Variants in SLC1A1 observed in about 807,000 individuals in gnomAD.
The protein encoded by SLC1A1 is solute carrier family 1 member 1.
Under a neutral mutation model 53.3 loss-of-function variants are expected in SLC1A1, and 43 were observed. That is an observed-to-expected ratio of 0.81 (90% confidence interval 0.63 to 1.04). The LOEUF is 1.04. Among genes scored for constraint, SLC1A1 ranks in the 50% least tolerant of loss-of-function variants. The pLI is 0.00. For missense variants in SLC1A1, 748 were observed against 664.9 expected (o/e 1.12, Z -1.37); for synonymous variants, 307 against 243.2 (o/e 1.26, Z -2.44).
At chr9:4,520,395 TTTTA>T (rs1186345916) in intron 1 of SLC1A1, among the ~76,000 whole-genome samples, 1 of 152,206 alleles carries the variant, frequency 6.6e-6, no homozygotes, top group Non-Finnish European at 1.5e-5. Flanking sequence ...TCCCATTTAA[TTTTA>T]TTATTATCTA....
At chr9:4,527,783 A>G (rs1385668341) in intron 1 of SLC1A1, among the ~76,000 whole-genome samples, 1 of 151,968 alleles carries the variant, frequency 6.6e-6, no homozygotes, top group Non-Finnish European at 1.5e-5. Flanking sequence ...TATGGGGCTC[A>G]CTTCACTGAT....
At chr9:4,570,111 T>G (rs564847467) in intron 6 of SLC1A1, among the ~76,000 whole-genome samples, 2 of 152,298 alleles carry the variant, frequency 1.3e-5, no homozygotes, top group East Asian at 3.9e-4. Flanking sequence ...GGCTGCTGAT[T>G]CCTCAGCCCT....
chr9:4,493,219 T>C (rs1586681937), intron 1 of SLC1A1, among the ~76,000 whole-genome samples: 1 of 152,366 alleles, frequency 6.6e-6, no homozygotes, highest in Non-Finnish European at 1.5e-5. Flanking sequence ...CAAAGGGCAG[T>C]CCTGCTTCTG....
At chr9:4,492,080 G>A (rs989373794) in intron 1 of SLC1A1, among the ~76,000 whole-genome samples, 5 of 152,190 alleles carry the variant, frequency 3.3e-5, no homozygotes, top group Non-Finnish European at 7.3e-5. Context: ...CTATTTGTAG[G>A]AGGAAAGGAG....
intron 10 of SLC1A1, among the ~76,000 whole-genome samples, chr9:4,579,700 A>T (rs1312604336): frequency 6.6e-6 from 1 of 152,222 alleles, no homozygotes; most frequent in Non-Finnish European, 1.5e-5. Context: ...AAATAATAAA[A>T]GTTGGTTTTG....
chr9:4,498,040 T>C (rs1563992099), intron 1 of SLC1A1, among the ~76,000 whole-genome samples: 1 of 152,224 alleles, frequency 6.6e-6, no homozygotes. Context: ...GAACTAGTGG[T>C]ATGCGTGCTG....
In SLC1A1 at chr9:4,572,317, G is replaced by T; in HGVS notation, c.696G>T (p.Lys232Asn). 6.2e-7 allele frequency: 1 copy of T among 1,614,122 alleles called. No individual in the cohort carries two copies. Among genetic ancestry groups the T allele is most frequent in the South Asian group, 1.1e-5 (1 of 91,084 alleles). The change falls in exon 7 of 12, where the codon AAG becomes AAT. Residue 232 changes from lysine to asparagine, a missense_variant. Physicochemically the swap from Lys to Asn is moderately conservative, Grantham distance 94. Transcript: ENST00000262352. ...FGLVIGKMGE[K>N]GQILVDFFNA... Reference sequence around the variant, plus strand: ...TTGTCATTGGAAAAATGGGAGAAAAGGGACAAATTCTGGTGGATTTCTTCA... The same window carrying T: ...TTGTCATTGGAAAAATGGGAGAAAATGGACAAATTCTGGTGGATTTCTTCA...
intron 10 of SLC1A1, among the ~76,000 whole-genome samples, chr9:4,579,346 C>T (rs575818808): frequency 2.0e-5 from 3 of 152,260 alleles, no homozygotes; most frequent in Admixed American, 1.3e-4. Context: ...CCACTTCCCT[C>T]ACCCTGGGCT....
In SLC1A1 at chr9:4,586,983, A is replaced by G. The variant is rs1315214766; in HGVS notation, c.*1425A>G. The G allele has an allele frequency of 6.6e-6, 1 of 152,626 alleles. No individual in the cohort carries two copies. The highest frequency in any genetic ancestry group is 6.5e-5 in the Admixed American group (1 of 15,280). The allele number at this position is 152,626 out of a possible 1,614,324, so 9.5% of individuals were successfully genotyped here. A position where few individuals can be genotyped will look rare whatever the true frequency, so the allele number is the denominator to read the frequency against. ...TCTCATCTTGTAAATAATGCTTAAC[A>G]TAAACTTGTACTTACACTGAAATCC... is the stretch of plus-strand genomic sequence containing the variant. On this transcript the variant is annotated 3_prime_UTR_variant, in exon 12 of 12. Transcript: ENST00000262352.
rs1171370378 is a variant in SLC1A1, at chr9:4,519,643, T to G, written c.92-24924T>G. Among the ~76,000 whole-genome samples, 7 of 152,232 alleles carry G rather than the reference T, an allele frequency of 4.6e-5. 1 individual carries two copies. Among genetic ancestry groups the G allele is most frequent in the Admixed American group, 2.0e-4 (3 of 15,282 alleles). ...AAGTCCTGTGCATTCATTATTTCAC[T>G]TAATGCTCAGGACAGCCATATGACA... is the stretch of plus-strand genomic sequence containing the variant. On this transcript the variant is annotated intron_variant, in intron 1 of 11. Transcript: ENST00000262352.
intron 10 of SLC1A1, among the ~76,000 whole-genome samples, chr9:4,579,623 A>G (rs916882141): frequency 3.3e-5 from 5 of 152,248 alleles, no homozygotes; most frequent in African/African-American, 9.6e-5. Flanking sequence ...CCCAGAGCCA[A>G]TAACAACTGT....
At chr9:4,534,108 G>C (rs1816582636) in intron 1 of SLC1A1, among the ~76,000 whole-genome samples, 1 of 152,260 alleles carries the variant, frequency 6.6e-6, no homozygotes, top group African/African-American at 2.4e-5. Context: ...CAGAAAGCAG[G>C]AAAGATCTAA....
chr9:4,575,331 A>G (rs1204381482), intron 8 of SLC1A1, among the ~76,000 whole-genome samples: 1 of 152,186 alleles, frequency 6.6e-6, no homozygotes, highest in African/African-American at 2.4e-5. Flanking sequence ...TAACCTGTGT[A>G]TTTCCATGTG....
At position 4,490,611 on chromosome 9, in the gene SLC1A1, CCAGCA is replaced by C; in HGVS notation, c.-68_-64del. ...CGCATCTCGCCGCGCCGCCGAGCAG[CCAGCA>C]GTCCCCGGGTCGCCCAGCCCACGCG... is the stretch of plus-strand genomic sequence containing the variant. On this transcript the variant is annotated 5_prime_UTR_variant, in exon 1 of 12. Transcript: ENST00000262352. 2 of 1,297,332 alleles carry C rather than the reference CCAGCA, an allele frequency of 1.5e-6. No individual in the cohort carries two copies. The highest frequency in any genetic ancestry group is 2.5e-5 in the South Asian group (2 of 81,138). 80.4% of individuals were successfully genotyped at this position (1,297,332 alleles called of 1,614,324 possible).
chr9:4,519,939 C>T (rs1476557696), intron 1 of SLC1A1, among the ~76,000 whole-genome samples: 2 of 152,192 alleles, frequency 1.3e-5, no homozygotes, highest in East Asian at 3.8e-4. Flanking sequence ...TTTTCTCGGC[C>T]ATTAGCTTTT....
chr9:4,542,993 A>G (rs1817148905), intron 1 of SLC1A1, among the ~76,000 whole-genome samples: 1 of 152,214 alleles, frequency 6.6e-6, no homozygotes, highest in African/African-American at 2.4e-5. Flanking sequence ...TGCATCCAGT[A>G]GTGCATGCAC....
At chr9:4,558,932 C>T (rs1265192311) in intron 2 of SLC1A1, among the ~76,000 whole-genome samples, 1 of 152,160 alleles carries the variant, frequency 6.6e-6, no homozygotes, top group African/African-American at 2.4e-5. Flanking sequence ...ACCTATGCAT[C>T]TTAGAAATAA....
At chr9:4,550,579 T>C (rs1817843950) in intron 2 of SLC1A1, among the ~76,000 whole-genome samples, 1 of 151,946 alleles carries the variant, frequency 6.6e-6, no homozygotes, top group Non-Finnish European at 1.5e-5. Context: ...TTTGTCGCGA[T>C]AGGGTCTTGA....
chr9:4,549,007 C>T lies in SLC1A1; in HGVS notation c.232+4300C>T, dbSNP rs1194416160. Among the ~76,000 whole-genome samples, 1 of 152,132 alleles carries T rather than the reference C, an allele frequency of 6.6e-6. No individual in the cohort carries two copies. Among genetic ancestry groups the T allele is most frequent in the African/African-American group, 2.4e-5 (1 of 41,428 alleles). On this transcript the variant is annotated intron_variant, in intron 2 of 11. Transcript: ENST00000262352. This position sits in a 1 kb window ranked among gnomAD's most constrained non-coding sequence, Gnocchi z 4.1. ...TAACAGGAAATAGCTTATGAATATG[C>T]CTGAGAATTGTGGCTCTGGAAAAAT...
Sources: gnomAD v4.1 joint callset for allele counts (sites outside exome capture counted in the v4.1 genomes callset) on GRCh38, gnomAD v4.1.1 for gene constraint, Gnocchi (gnomAD v3.1) non-coding constraint, MANE v1.5 for transcripts, NCBI Gene and HGNC (gene_info 2026-07-23, HGNC 2026-07-21) for gene names.